The following RHBDD1 variants were observed in gnomAD, a reference collection of about 807,000 sequenced individuals.
RHBDD1 encodes rhomboid domain containing 1.
In RHBDD1, 38 loss-of-function variants were observed where a neutral mutation model predicts 36.3. That is an observed-to-expected ratio of 1.05 (90% CI 0.81 to 1.37). RHBDD1 has a LOEUF of 1.37. Ranked by LOEUF, RHBDD1 falls within the 40% of genes most tolerant of loss-of-function variation. The probability of loss-of-function intolerance (pLI) is 0.00; values close to 1 mark genes in which losing one functional copy is unlikely to be tolerated. For synonymous variants in RHBDD1, 151 were observed against 136.5 expected (o/e 1.11, Z -0.74); for missense variants, 393 against 377.6 (o/e 1.04, Z -0.34).
chr2:226,844,695 G>A (rs1310543991), intron 3 of RHBDD1, among the ~76,000 whole-genome samples: 1 of 152,166 alleles, frequency 6.6e-6, no homozygotes, highest in African/African-American at 2.4e-5. Flanking sequence ...GCTGTTCCCT[G>A]TGTGCCTCCT....
At chr2:226,834,767 A>G (rs1401066779), upstream of RHBDD1, among the ~76,000 whole-genome samples, 2 of 152,118 alleles carry the variant, frequency 1.3e-5, no homozygotes, top group African/African-American at 4.8e-5. Context: ...CTATCAGAAA[A>G]TTCCATACCA....
At chr2:226,904,182 C>T (rs1043723012) in intron 5 of RHBDD1, among the ~76,000 whole-genome samples, 3 of 152,170 alleles carry the variant, frequency 2.0e-5, no homozygotes, top group African/African-American at 7.2e-5. Context: ...AGCTGTCTAA[C>T]CCTTAAGCTG....
chr2:226,984,008 C>T (rs563848125), intron 8 of RHBDD1, among the ~76,000 whole-genome samples: 43 of 152,324 alleles, frequency 2.8e-4, no homozygotes, highest in Admixed American at 1.3e-3. Context: ...GTGAGCCATG[C>T]AGCTGGCATT....
chr2:226,922,231 G>A (rs1416148511), intron 8 of RHBDD1, among the ~76,000 whole-genome samples: 22 of 123,072 alleles, frequency 1.8e-4, no homozygotes, highest in African/African-American at 4.8e-4. Flanking sequence ...TTTTTGAGAC[G>A]GAGTCTCACT....
intron 8 of RHBDD1, among the ~76,000 whole-genome samples, chr2:226,955,808 A>G (rs10175605): frequency 0.019 from 2,848 of 152,224 alleles, 90 homozygotes; most frequent in African/African-American, 0.065. Flanking sequence ...CTGTTGGATT[A>G]GGGCTCCACC....
chr2:226,837,616 A>C (rs1049702712), intron 1 of RHBDD1: 1 of 152,252 alleles, frequency 6.6e-6, no homozygotes, highest in Non-Finnish European at 1.5e-5. Flanking sequence ...GGATCACTGT[A>C]ACCGCTGCCT....
chr2:226,926,967 T>A (rs750452959), intron 8 of RHBDD1, among the ~76,000 whole-genome samples: 2 of 152,174 alleles, frequency 1.3e-5, no homozygotes, highest in African/African-American at 2.4e-5. Context: ...TTCTTTAAAA[T>A]TTATAGTGAA....
intron 2 of RHBDD1, among the ~76,000 whole-genome samples, chr2:226,839,000 T>G (rs1941318477): frequency 6.6e-6 from 1 of 152,216 alleles, no homozygotes; most frequent in East Asian, 1.9e-4. Flanking sequence ...GTTGAAGGTA[T>G]GCATCAAAGG....
chr2:226,922,428 C>T (rs1445422821), intron 8 of RHBDD1, among the ~76,000 whole-genome samples: 8 of 151,750 alleles, frequency 5.3e-5, no homozygotes, highest in Admixed American at 3.9e-4. Flanking sequence ...AGGATGGTCT[C>T]GATCTCCTGA....
chr2:226,800,836 C>G, the RHBDD1 span, among the ~76,000 whole-genome samples: 2 of 152,200 alleles, frequency 1.3e-5, no homozygotes, highest in Non-Finnish European at 2.9e-5. Context: ...AAGGATGGTG[C>G]CAGCTCAACT....
At chr2:226,989,449 A>C (rs1014448629) in intron 8 of RHBDD1, among the ~76,000 whole-genome samples, 1 of 152,222 alleles carries the variant, frequency 6.6e-6, no homozygotes, top group African/African-American at 2.4e-5. Flanking sequence ...GTATTTTCAG[A>C]AATATCCTCA....
intron 8 of RHBDD1, among the ~76,000 whole-genome samples, chr2:226,928,411 TAAC>T (rs1312158845): frequency 6.6e-6 from 1 of 152,056 alleles, no homozygotes; most frequent in African/African-American, 2.4e-5. Flanking sequence ...ATTTTTGGGT[TAAC>T]AATGATATCA....
chr2:226,914,473 A>G lies in RHBDD1; in HGVS notation c.856+122A>G, dbSNP rs533005689. ...TTCAGAAAAAGGATATGTAGATGAA[A>G]ACTGTGTGCAGATTGTGATTACAAA... On this transcript the variant is annotated intron_variant, in intron 8 of 8. Transcript: ENST00000392062. The G allele has an allele frequency of 2.3e-5, 26 of 1,155,060 alleles. No homozygotes were observed. In the South Asian group the frequency reaches 4.2e-4, roughly 19 times the overall value. The allele number at this position is 1,155,060 out of a possible 1,614,324, so 71.6% of individuals were successfully genotyped here.
rs1164740987 is a variant in RHBDD1, at chr2:226,847,011, C to T, written c.-91+7384C>T. On this transcript the variant is annotated intron_variant, in intron 3 of 8. Coordinates refer to ENST00000392062, the MANE Select transcript of RHBDD1 (RefSeq NM_001167608.3). ...AGTGAATGGAAAGTTGTTAACTGCA[C>T]ATGTGGATAGGTATAGCTCATAATG... Among the ~76,000 whole-genome samples the T allele has an allele frequency of 3.9e-5, 6 of 152,240 alleles. No homozygotes were observed. In the East Asian group the frequency reaches 7.7e-4, roughly 20 times the overall value.
chr2:226,936,418 A>AAG (rs1427171489), intron 8 of RHBDD1, among the ~76,000 whole-genome samples: 1 of 152,010 alleles, frequency 6.6e-6, no homozygotes, highest in African/African-American at 2.4e-5. Context: ...TGCTTTAAAA[A>AAG]AGAGAGAGAG....
intron 3 of RHBDD1, among the ~76,000 whole-genome samples, chr2:226,849,000 A>C (rs1399396651): frequency 2.0e-5 from 3 of 152,210 alleles, no homozygotes; most frequent in Non-Finnish European, 4.4e-5. Flanking sequence ...AATCAGTAGC[A>C]AAATGGGATT....
rs149103871 is a variant in RHBDD1, at chr2:226,909,506, A to G, written c.712+628A>G. ...TGGCCATTGGAACACTCATGTCTTA[A>G]TGCAGTGAACTGAATGTGCCCGTCC... On this transcript the variant is annotated intron_variant, in intron 7 of 8. Transcript: ENST00000392062. 1.2e-4 allele frequency among the ~76,000 whole-genome samples: 18 copies of G among 152,274 alleles called. No homozygotes were observed. The East Asian group carries it at 3.5e-3, about 29-fold the overall frequency.
intron 8 of RHBDD1, among the ~76,000 whole-genome samples, chr2:226,951,889 A>T (rs1427765304): frequency 1.3e-5 from 2 of 152,260 alleles, no homozygotes; most frequent in Non-Finnish European, 2.9e-5. Flanking sequence ...CAAGGACTAC[A>T]ATTCAAGAAA....
chr2:226,920,100 TTAAATAAATAAATAAA>T (rs535492553), intron 8 of RHBDD1, among the ~76,000 whole-genome samples: 31 of 151,740 alleles, frequency 2.0e-4, no homozygotes, highest in Non-Finnish European at 3.8e-4. Flanking sequence ...ATATTTGTAT[TTAAATAAATAAATAAA>T]TAAATAAAAA....
Sources: gnomAD v4.1 joint callset for allele counts (sites outside exome capture counted in the v4.1 genomes callset) on GRCh38, gnomAD v4.1.1 for gene constraint, MANE v1.5 for transcripts, NCBI Gene and HGNC (gene_info 2026-07-23, HGNC 2026-07-21) for gene names.